TAFA1: variants seen among roughly 807,000 people sequenced by gnomAD.
TAFA1 encodes TAFA chemokine like family member 1.
In TAFA1, 4 loss-of-function variants were observed where a neutral mutation model predicts 18.5. The ratio of observed to expected loss-of-function variants is 0.22; its 90% CI spans 0.11 to 0.49. The LOEUF is 0.49. Ranked by LOEUF, TAFA1 falls within the 20% of genes least tolerant of loss-of-function variation. TAFA1 has a pLI of 0.98. For missense variants in TAFA1, 147 were observed against 169.0 expected (o/e 0.87, Z 0.72); for synonymous variants, 56 against 55.2 (o/e 1.01, Z -0.06).
intron 2 of TAFA1, among the ~76,000 whole-genome samples, chr3:68,081,576 A>G (rs1023329064): frequency 3.9e-5 from 6 of 152,118 alleles, no homozygotes; most frequent in African/African-American, 1.2e-4. Context: ...CCTGCCGTGT[A>G]AGGTGTCAAT....
chr3:68,475,645 C>A (rs2072078892), intron 3 of TAFA1, among the ~76,000 whole-genome samples: 2 of 152,240 alleles, frequency 1.3e-5, no homozygotes, highest in South Asian at 4.1e-4. Flanking sequence ...TTTATAGCAG[C>A]ATGATTTATA....
chr3:68,070,266 G>A (rs1170720336), intron 2 of TAFA1, among the ~76,000 whole-genome samples: 3 of 152,216 alleles, frequency 2.0e-5, no homozygotes, highest in Non-Finnish European at 4.4e-5. Flanking sequence ...CTGTGCAACT[G>A]CAGGCTCAAC....
At chr3:68,158,416 T>A (rs1004770511) in intron 2 of TAFA1, among the ~76,000 whole-genome samples, 9 of 152,022 alleles carry the variant, frequency 5.9e-5, no homozygotes, top group African/African-American at 2.2e-4. Flanking sequence ...AAGGTGTAAG[T>A]TGTATGACTT....
At chr3:68,068,171 AG>A in intron 2 of TAFA1, among the ~76,000 whole-genome samples, 1 of 152,352 alleles carries the variant, frequency 6.6e-6, no homozygotes, top group East Asian at 1.9e-4. Context: ...ACTTAAAAAA[AG>A]TTTCAAACTG....
At position 68,528,226 on chromosome 3, in the gene TAFA1, C is replaced by A. The variant is rs527313467; in HGVS notation, c.260-10530C>A. 2.6e-5 allele frequency among the ~76,000 whole-genome samples: 4 copies of A among 152,180 alleles called. No individual in the cohort carries two copies. In the South Asian group the frequency reaches 6.2e-4, roughly 24 times the overall value. On this transcript the variant is annotated intron_variant, in intron 3 of 4. Transcript: ENST00000478136. Reference sequence around the variant, plus strand: ...AGTTTATTAGGCATTATGGTAAGTGCCTTATCTAAAATTCACGATAACCAG... The same window carrying A: ...AGTTTATTAGGCATTATGGTAAGTGACTTATCTAAAATTCACGATAACCAG...
At chr3:68,227,876 C>T (rs767701960) in intron 2 of TAFA1, among the ~76,000 whole-genome samples, 16 of 152,158 alleles carry the variant, frequency 1.1e-4, no homozygotes, top group Admixed American at 2.6e-4. Context: ...AAGGTCTGTA[C>T]GTTATAAGTT....
chr3:68,447,979 A>G (rs182091878), intron 3 of TAFA1, among the ~76,000 whole-genome samples: 2 of 152,340 alleles, frequency 1.3e-5, no homozygotes, highest in Non-Finnish European at 2.9e-5. Context: ...CACCAAGGTT[A>G]AATAATTTAC....
chr3:68,129,302 A>G (rs2065509965), intron 2 of TAFA1, among the ~76,000 whole-genome samples: 1 of 152,200 alleles, frequency 6.6e-6, no homozygotes, highest in African/African-American at 2.4e-5. Flanking sequence ...TAGAAGCCAC[A>G]CAAGTTGAAG....
intron 2 of TAFA1, among the ~76,000 whole-genome samples, chr3:68,121,190 C>T (rs889233556): frequency 1.3e-5 from 2 of 150,832 alleles, no homozygotes; most frequent in African/African-American, 4.9e-5. Flanking sequence ...TTTTATAATG[C>T]ATCTTATTCT....
chr3:68,403,509 G>A (rs996712340), intron 2 of TAFA1, among the ~76,000 whole-genome samples: 7 of 152,174 alleles, frequency 4.6e-5, no homozygotes, highest in South Asian at 2.1e-4. Flanking sequence ...TGCACTGTCC[G>A]ATTTTTATGA....
intron 2 of TAFA1, among the ~76,000 whole-genome samples, chr3:68,374,946 G>C (rs1354992778): frequency 6.6e-6 from 1 of 150,992 alleles, no homozygotes; most frequent in Non-Finnish European, 1.5e-5. Flanking sequence ...AGTACAAGAA[G>C]AGCATTGTCT....
At chr3:68,461,952 G>T (rs894071852) in intron 3 of TAFA1, among the ~76,000 whole-genome samples, 1 of 152,046 alleles carries the variant, frequency 6.6e-6, no homozygotes, top group African/African-American at 2.4e-5. Context: ...TAGGAAAAGT[G>T]GGGGGAAAAT....
chr3:68,390,586 A>G (rs1203376618), intron 2 of TAFA1, among the ~76,000 whole-genome samples: 1 of 152,202 alleles, frequency 6.6e-6, no homozygotes, highest in African/African-American at 2.4e-5. Flanking sequence ...AGGGGTTGAC[A>G]GGTGCCTTAT....
At chr3:68,450,296 G>T (rs191526993) in intron 3 of TAFA1, among the ~76,000 whole-genome samples, 14 of 152,336 alleles carry the variant, frequency 9.2e-5, no homozygotes, top group Admixed American at 8.5e-4. Flanking sequence ...CAGATTTAGG[G>T]TGAGGAGAAT....
intron 2 of TAFA1, among the ~76,000 whole-genome samples, chr3:68,227,665 C>A (rs2066819054): frequency 6.6e-6 from 1 of 152,032 alleles, no homozygotes; most frequent in African/African-American, 2.4e-5. Context: ...TAATGCTGAC[C>A]ACTTATATAT....
At chr3:68,457,732 G>A (rs2071691178) in intron 3 of TAFA1, among the ~76,000 whole-genome samples, 1 of 152,104 alleles carries the variant, frequency 6.6e-6, no homozygotes, top group Non-Finnish European at 1.5e-5. Flanking sequence ...TTATATGATA[G>A]ATCTCTTCAA....
At chr3:68,231,344 A>C (rs1325731223) in intron 2 of TAFA1, among the ~76,000 whole-genome samples, 1 of 79,852 alleles carries the variant, frequency 1.3e-5, no homozygotes, top group East Asian at 4.0e-4. Context: ...AATCTATTTG[A>C]TTTTTTTTTT....
intron 3 of TAFA1, among the ~76,000 whole-genome samples, chr3:68,435,530 G>C (rs1001379019): frequency 6.6e-6 from 1 of 152,108 alleles, no homozygotes; most frequent in African/African-American, 2.4e-5. Context: ...ATTGTACTTA[G>C]AGCCCAAATT....
At chr3:68,476,133 C>T (rs373715627) in intron 3 of TAFA1, among the ~76,000 whole-genome samples, 158 of 152,088 alleles carry the variant, frequency 1.0e-3, no homozygotes, top group African/African-American at 3.6e-3. Context: ...TCTAAAACAC[C>T]GAAAGCAATG....
Sources: allele counts gnomAD v4.1 joint callset (sites outside exome capture counted in the v4.1 genomes callset), GRCh38; gene constraint gnomAD v4.1.1; transcripts MANE v1.5; gene names NCBI Gene and HGNC (gene_info 2026-07-23, HGNC 2026-07-21).